CRB1: variants seen among roughly 807,000 people sequenced by gnomAD.
The protein encoded by CRB1 is crumbs cell polarity complex component 1.
CRB1 carries 83 observed loss-of-function variants against 120.0 expected under a neutral mutation model. The ratio of observed to expected loss-of-function variants is 0.69; its 90% CI spans 0.58 to 0.83. The LOEUF (loss-of-function observed/expected upper bound fraction) is 0.83. Among genes scored for constraint, CRB1 ranks in the 40% least tolerant of loss-of-function variants. The pLI is 0.00. For missense variants in CRB1, 1,699 were observed against 1,687.6 expected (o/e 1.01, Z -0.12); for synonymous variants, 625 against 612.5 (o/e 1.02, Z -0.30).
chr1:197,209,510 T>TA, the CRB1 span, among the ~76,000 whole-genome samples: 1 of 152,058 alleles, frequency 6.6e-6, no homozygotes, highest in African/African-American at 2.4e-5. Context: ...CATGCCTGGC[T>TA]AATTTTTTTG....
chr1:197,226,729 G>A, the CRB1 span, among the ~76,000 whole-genome samples: 1 of 152,110 alleles, frequency 6.6e-6, no homozygotes, highest in East Asian at 1.9e-4. Context: ...GAAAAGGACT[G>A]TTTCCATGCT....
intron 11 of CRB1, chr1:197,444,588 A>C (rs1665611422): frequency 6.6e-6 from 1 of 152,174 alleles, no homozygotes; most frequent in South Asian, 2.1e-4. Flanking sequence ...TTCTCTACCA[A>C]ATGTGGTTAA....
intron 1 of CRB1, among the ~76,000 whole-genome samples, chr1:197,326,790 G>A (rs1463142313): frequency 2.0e-5 from 3 of 152,018 alleles, no homozygotes; most frequent in Non-Finnish European, 2.9e-5. Context: ...TACAGGAAGG[G>A]CATAGTTGGC....
At chr1:197,329,149 T>C in intron 2 of CRB1, 146 bp downstream of exon 2, 3 of 759,754 alleles carry the variant, frequency 3.9e-6, no homozygotes, top group South Asian at 1.5e-5. Flanking sequence ...AGAAACTCCC[T>C]AAACTGCTGA....
At chr1:197,330,235 G>T (rs944163805) in intron 2 of CRB1, among the ~76,000 whole-genome samples, 2 of 152,050 alleles carry the variant, frequency 1.3e-5, no homozygotes, top group African/African-American at 2.4e-5. Flanking sequence ...TCCAAATTGA[G>T]CTCATCCATT....
In CRB1 at chr1:197,421,484, A is replaced by T. The variant is rs774901506; in HGVS notation, c.1656A>T (p.Ser552=). The T allele has an allele frequency of 6.2e-7, 1 of 1,614,242 alleles. No individual in the cohort carries two copies. The highest frequency in any genetic ancestry group is 1.3e-5 in the African/African-American group (1 of 75,054). The change falls in exon 6 of 12, where the codon TCA becomes TCT. Residue 552 remains serine, a synonymous_variant. Transcript: ENST00000367400. ...IHLSIQVNNQ[S]KVLLFISHNT... ...TATCAATTCAGGTCAATAATCAGTCAAAGGTGCTTCTGTTCATTTCCCACA... is the reference window on the plus strand; with the variant it reads ...TATCAATTCAGGTCAATAATCAGTCTAAGGTGCTTCTGTTCATTTCCCACA...
intron 5 of CRB1, among the ~76,000 whole-genome samples, chr1:197,366,942 C>A (rs985229876): frequency 6.6e-6 from 1 of 152,146 alleles, no homozygotes; most frequent in African/African-American, 2.4e-5. Context: ...GCAAAATATG[C>A]TCATATCTTG....
intron 7 of CRB1, chr1:197,429,231 T>G: frequency 6.9e-7 from 1 of 1,441,720 alleles, no homozygotes; most frequent in Non-Finnish European, 9.2e-7. Flanking sequence ...ATTTTATATC[T>G]TTTCTCTCTC....
At chr1:197,318,120 C>A (rs904294923) in intron 1 of CRB1, among the ~76,000 whole-genome samples, 1 of 151,834 alleles carries the variant, frequency 6.6e-6, no homozygotes, top group Non-Finnish European at 1.5e-5. Context: ...GGTTAATATC[C>A]AAAATATATA....
chr1:197,436,073 G>A (rs953041631), intron 9 of CRB1, among the ~76,000 whole-genome samples: 5 of 152,072 alleles, frequency 3.3e-5, no homozygotes, highest in Non-Finnish European at 5.9e-5. Context: ...CTTGAACAAC[G>A]CAGGGGTTAG....
upstream of CRB1, among the ~76,000 whole-genome samples, chr1:197,266,544 G>A (rs922721240): frequency 2.6e-5 from 4 of 152,028 alleles, no homozygotes; most frequent in Non-Finnish European, 1.5e-5. Flanking sequence ...AAAATTCAAC[G>A]TAAATATTAT....
At chr1:197,345,722 G>A (rs971256415) in intron 3 of CRB1, among the ~76,000 whole-genome samples, 1 of 151,854 alleles carries the variant, frequency 6.6e-6, no homozygotes, top group Non-Finnish European at 1.5e-5. Flanking sequence ...TGGCGAGGCT[G>A]GTCTCGAACT....
At chr1:197,426,005 C>A (rs1336412906) in intron 6 of CRB1, among the ~76,000 whole-genome samples, 1 of 151,630 alleles carries the variant, frequency 6.6e-6, no homozygotes, top group Non-Finnish European at 1.5e-5. Flanking sequence ...TCTATATCAA[C>A]TGCCCACTAG....
chr1:197,460,456 G>C (rs1267650518), intron 11 of CRB1, among the ~76,000 whole-genome samples: 2 of 152,078 alleles, frequency 1.3e-5, no homozygotes, highest in African/African-American at 2.4e-5. Flanking sequence ...ACAGTCTAGT[G>C]CACAAGAAAG....
chr1:197,393,830 G>A (rs1442547282), intron 5 of CRB1, among the ~76,000 whole-genome samples: 2 of 151,972 alleles, frequency 1.3e-5, no homozygotes, highest in Non-Finnish European at 2.9e-5. Context: ...ATCTATAAAT[G>A]TATTTCAATA....
At chr1:197,371,389 T>C (rs1217146894) in intron 5 of CRB1, among the ~76,000 whole-genome samples, 2 of 152,178 alleles carry the variant, frequency 1.3e-5, no homozygotes, top group African/African-American at 4.8e-5. Flanking sequence ...TAGCACTAGA[T>C]AAAAATCCTT....
chr1:197,474,090 T>C (rs180676286), intron 11 of CRB1, among the ~76,000 whole-genome samples: 17 of 152,340 alleles, frequency 1.1e-4, no homozygotes, highest in Admixed American at 1.0e-3. Context: ...GTTTATCTTT[T>C]AAAAGCAAAT....
chr1:197,455,809 T>A (rs1297520430), intron 11 of CRB1, among the ~76,000 whole-genome samples: 1 of 152,106 alleles, frequency 6.6e-6, no homozygotes, highest in Non-Finnish European at 1.5e-5. Context: ...TCCTAAAAGG[T>A]TATAAAGATC....
At chr1:197,212,103 C>T in the CRB1 span, among the ~76,000 whole-genome samples, 1 of 151,912 alleles carries the variant, frequency 6.6e-6, no homozygotes, top group Non-Finnish European at 1.5e-5. Flanking sequence ...TTAGAATAAC[C>T]GAAAGTATAA....
Sources: allele counts gnomAD v4.1 joint callset (sites outside exome capture counted in the v4.1 genomes callset), GRCh38; gene constraint gnomAD v4.1.1; transcripts MANE v1.5; gene names NCBI Gene and HGNC (gene_info 2026-07-23, HGNC 2026-07-21).